The following PCDH15 variants were observed in gnomAD, a reference collection of about 807,000 sequenced individuals.
PCDH15 encodes protocadherin-15.
Under a neutral mutation model 178.5 loss-of-function variants are expected in PCDH15, and 129 were observed. The ratio of observed to expected loss-of-function variants is 0.72; its 90% CI spans 0.63 to 0.84. The LOEUF is 0.84. Ranked by LOEUF, PCDH15 falls within the 40% of genes least tolerant of loss-of-function variation. The pLI is 0.00. For missense variants in PCDH15, 2,230 were observed against 2,099.9 expected (o/e 1.06, Z -1.21); for synonymous variants, 800 against 732.0 (o/e 1.09, Z -1.50).
chr10:55,592,674 G>A (rs1842865528), intron 2 of PCDH15, among the ~76,000 whole-genome samples: 2 of 152,160 alleles, frequency 1.3e-5, no homozygotes, highest in East Asian at 1.9e-4. Flanking sequence ...CTAGAAATTT[G>A]AGACCTTTGT....
At chr10:54,031,811 C>T (rs776589270) in intron 18 of PCDH15, among the ~76,000 whole-genome samples, 2 of 151,964 alleles carry the variant, frequency 1.3e-5, no homozygotes, top group Non-Finnish European at 2.9e-5. Context: ...GTCATGTTCA[C>T]GCTCATACAG....
At chr10:54,069,657 C>T (rs1440025364) in intron 17 of PCDH15, among the ~76,000 whole-genome samples, 3 of 152,054 alleles carry the variant, frequency 2.0e-5, no homozygotes, top group Non-Finnish European at 4.4e-5. Context: ...GACTATTGTT[C>T]TGAACCTATG....
Position 54,932,981 on chromosome 10 carries a change from T to C in PCDH15, c.-79-35481A>G, listed in dbSNP as rs542631664. On this transcript the variant is annotated intron_variant, in intron 2 of 5. Coordinates refer to the PCDH15 transcript ENST00000458638. ...TTAAGTGCTCTATAAAGGTGTACCA[T>C]TTTTATCATTTATATTTTTACTGTA... Among the ~76,000 whole-genome samples, 10 of 152,292 alleles carry C rather than the reference T, an allele frequency of 6.6e-5. No homozygotes were observed. The East Asian group carries it at 1.5e-3, about 24-fold the overall frequency.
intron 2 of PCDH15, among the ~76,000 whole-genome samples, chr10:55,116,730 G>A (rs528589315): frequency 7.9e-5 from 12 of 152,214 alleles, no homozygotes; most frequent in South Asian, 6.2e-4. Flanking sequence ...TGACACGTGG[G>A]CATTTGAAGA....
intron 26 of PCDH15, among the ~76,000 whole-genome samples, chr10:53,896,605 G>A (rs1367199235): frequency 2.6e-5 from 4 of 152,166 alleles, no homozygotes; most frequent in Admixed American, 2.6e-4. Context: ...ACCAGTCGGT[G>A]ACCTGTTAAG....
chr10:55,308,596 T>C (rs994660218), intron 1 of PCDH15, among the ~76,000 whole-genome samples: 1 of 152,124 alleles, frequency 6.6e-6, no homozygotes, highest in Non-Finnish European at 1.5e-5. Flanking sequence ...TCGTTTAAAA[T>C]ATAAAACAAA....
At chr10:54,563,445 A>T (rs540361406) in intron 2 of PCDH15, among the ~76,000 whole-genome samples, 1 of 152,270 alleles carries the variant, frequency 6.6e-6, no homozygotes, top group Non-Finnish European at 1.5e-5. Flanking sequence ...CCCAAATTAT[A>T]ATTAACTCAA....
intron 3 of PCDH15, among the ~76,000 whole-genome samples, chr10:54,503,220 T>A (rs2080861003): frequency 8.6e-6 from 1 of 115,972 alleles, no homozygotes; most frequent in Non-Finnish European, 1.7e-5. Context: ...CAAATATACA[T>A]ATATATGTGT....
chr10:54,550,297 T>G (rs1247868148), intron 2 of PCDH15, among the ~76,000 whole-genome samples: 2 of 152,184 alleles, frequency 1.3e-5, no homozygotes, highest in African/African-American at 4.8e-5. Context: ...TTCTTACAAC[T>G]TCCACTATGC....
At chr10:55,297,884 T>C (rs1242226322) in intron 1 of PCDH15, among the ~76,000 whole-genome samples, 1 of 152,002 alleles carries the variant, frequency 6.6e-6, no homozygotes, top group East Asian at 1.9e-4. Flanking sequence ...CTAGCAATCA[T>C]AGATATTTGC....
At chr10:53,978,466 G>A (rs548103622) in intron 21 of PCDH15, among the ~76,000 whole-genome samples, 1 of 152,092 alleles carries the variant, frequency 6.6e-6, no homozygotes, top group South Asian at 2.1e-4. Flanking sequence ...ATACACAGCA[G>A]GGGGGTCCCT....
chr10:54,338,468 G>A (rs1941616616), intron 6 of PCDH15, among the ~76,000 whole-genome samples: 1 of 151,964 alleles, frequency 6.6e-6, no homozygotes, highest in Admixed American at 6.6e-5. Flanking sequence ...TTTAAAAATC[G>A]TTTGTCCTTA....
At chr10:54,498,041 T>A (rs1185086135) in intron 3 of PCDH15, among the ~76,000 whole-genome samples, 1 of 151,674 alleles carries the variant, frequency 6.6e-6, no homozygotes, top group Non-Finnish European at 1.5e-5. Flanking sequence ...AAAAAAAATA[T>A]TAAAGGAAGC....
At chr10:55,569,916 T>A (rs1171316860) in intron 2 of PCDH15, among the ~76,000 whole-genome samples, 2 of 151,944 alleles carry the variant, frequency 1.3e-5, no homozygotes, top group African/African-American at 4.8e-5. Flanking sequence ...TAATAATAAT[T>A]TAGAAAAAAA....
intron 18 of PCDH15, among the ~76,000 whole-genome samples, chr10:54,038,747 GCA>G (rs762173777): frequency 6.6e-6 from 1 of 151,824 alleles, no homozygotes; most frequent in African/African-American, 2.4e-5. Flanking sequence ...GATCTGCTTG[GCA>G]CACAGTCTTC....
chr10:54,096,360 C>T (rs759758838), intron 15 of PCDH15, among the ~76,000 whole-genome samples: 54 of 151,956 alleles, frequency 3.6e-4, no homozygotes, highest in Non-Finnish European at 6.9e-4. Flanking sequence ...AATTCTTATA[C>T]CATAAGCATT....
chr10:55,557,613 C>T (rs1324831129), intron 2 of PCDH15, among the ~76,000 whole-genome samples: 1 of 151,994 alleles, frequency 6.6e-6, no homozygotes, highest in African/African-American at 2.4e-5. Context: ...ATTAGGGTTA[C>T]CTTATGACCA....
intron 2 of PCDH15, among the ~76,000 whole-genome samples, chr10:54,531,144 G>A (rs1313010070): frequency 6.6e-6 from 1 of 152,138 alleles, no homozygotes; most frequent in Non-Finnish European, 1.5e-5. Flanking sequence ...CAGGTGAGCT[G>A]CTGATACCTG....
intron 10 of PCDH15, among the ~76,000 whole-genome samples, chr10:54,201,665 T>C (rs2050240950): frequency 6.6e-6 from 1 of 152,180 alleles, no homozygotes; most frequent in Admixed American, 6.5e-5. Flanking sequence ...TTAATTTTAA[T>C]AGGCTTTAAA....
Sources: gnomAD v4.1 joint callset for allele counts (sites outside exome capture counted in the v4.1 genomes callset) on GRCh38, gnomAD v4.1.1 for gene constraint, MANE v1.5 for transcripts, NCBI Gene and HGNC (gene_info 2026-07-23, HGNC 2026-07-21) for gene names.